STX12: variants seen among roughly 807,000 people sequenced by gnomAD.
The protein encoded by STX12 is syntaxin-12.
Under a neutral mutation model 42.2 loss-of-function variants are expected in STX12, and 17 were observed. The ratio of observed to expected loss-of-function variants is 0.40; its 90% CI spans 0.28 to 0.60. STX12 has a LOEUF of 0.60. STX12 is among the 20% of genes least tolerant of loss of function. The pLI is 0.39. For synonymous variants in STX12, 108 were observed against 116.7 expected, an observed-to-expected ratio of 0.93 and a Z score of 0.48; for missense variants, 297 against 330.9, an observed-to-expected ratio of 0.90 and a Z score of 0.79.
intron 7 of STX12, 58 bp from the exon 8 acceptor site, chr1:27,819,592 A>G (rs887490248): frequency 7.6e-5 from 111 of 1,468,780 alleles, no homozygotes; most frequent in Non-Finnish European, 1.0e-4. Flanking sequence ...AATCTGTTCA[A>G]TTTGCAGTCT....
chr1:27,792,831 A>C (rs536825569), intron 2 of STX12, among the ~76,000 whole-genome samples: 1 of 152,224 alleles, frequency 6.6e-6, no homozygotes, highest in African/African-American at 2.4e-5. Context: ...GAAACCACAA[A>C]TGAAAAGAGT....
intron 1 of STX12, among the ~76,000 whole-genome samples, chr1:27,779,368 C>G (rs1386851971): frequency 6.7e-6 from 1 of 148,444 alleles, no homozygotes; most frequent in Non-Finnish European, 1.5e-5. Flanking sequence ...AAGTCTCACT[C>G]TGTCGCCCAG....
chr1:27,804,801 A>T (rs531648364), intron 4 of STX12, among the ~76,000 whole-genome samples: 1 of 149,556 alleles, frequency 6.7e-6, no homozygotes, highest in South Asian at 2.1e-4. Flanking sequence ...ACAGAGTGAG[A>T]CTCCATCTCA....
intron 4 of STX12, among the ~76,000 whole-genome samples, chr1:27,806,530 G>T (rs965928967): frequency 6.6e-6 from 1 of 152,150 alleles, no homozygotes; most frequent in Non-Finnish European, 1.5e-5. Flanking sequence ...ATAGTAGAAA[G>T]ATATGTATTG....
At chr1:27,794,165 C>T (rs2088768714) in intron 3 of STX12, among the ~76,000 whole-genome samples, 1 of 152,130 alleles carries the variant, frequency 6.6e-6, no homozygotes, top group Admixed American at 6.5e-5. Context: ...GCTGCAACTA[C>T]AGGCATGTGC....
intron 4 of STX12, 174 bp downstream of exon 4, chr1:27,801,989 G>A (rs2088831129): frequency 1.8e-6 from 1 of 563,694 alleles, no homozygotes; most frequent in Non-Finnish European, 2.8e-6. Flanking sequence ...AGCCTAGAAA[G>A]GAATCTGAAT....
chr1:27,798,945 C>A (rs934935458), intron 3 of STX12, among the ~76,000 whole-genome samples: 1 of 149,240 alleles, frequency 6.7e-6, no homozygotes, highest in Non-Finnish European at 1.5e-5. Flanking sequence ...CAGAGCAAGA[C>A]CCTGTCTCAA....
At chr1:27,793,676 G>C in intron 3 of STX12, 44 bp downstream of exon 3, 2 of 1,536,730 alleles carry the variant, frequency 1.3e-6, no homozygotes, top group Non-Finnish European at 1.8e-6. Flanking sequence ...AGGACTTTGT[G>C]TTAGTAGAAA....
chr1:27,784,946 T>C (rs780838461), intron 1 of STX12, among the ~76,000 whole-genome samples: 42 of 151,876 alleles, frequency 2.8e-4, no homozygotes, highest in Non-Finnish European at 4.7e-4. Context: ...CAAATTTAGG[T>C]CATCCCAACA....
At chr1:27,792,611 T>C (rs2088757209) in intron 2 of STX12, among the ~76,000 whole-genome samples, 1 of 151,972 alleles carries the variant, frequency 6.6e-6, no homozygotes, top group Non-Finnish European at 1.5e-5. Flanking sequence ...TGGGCTACTA[T>C]AACAAAATAC....
chr1:27,797,875 A>AAC (rs61106135), intron 3 of STX12, among the ~76,000 whole-genome samples: 9,012 of 143,078 alleles, frequency 0.063, 257 homozygotes, highest in South Asian at 0.081. Context: ...TCTGAAGGTA[A>AAC]ACACACACAC....
intron 3 of STX12, among the ~76,000 whole-genome samples, chr1:27,795,638 CA>C (rs1476144484): frequency 1.3e-5 from 2 of 151,000 alleles, no homozygotes; most frequent in South Asian, 2.1e-4. Context: ...AAATCTCTGT[CA>C]AAAAAAAATT....
chr1:27,773,873 C>T (rs2088612054), intron 1 of STX12: 1 of 163,734 alleles, frequency 6.1e-6, no homozygotes, highest in Non-Finnish European at 1.4e-5. Flanking sequence ...CTGCTCAGCC[C>T]CTGGCTCCTC....
intron 1 of STX12, among the ~76,000 whole-genome samples, chr1:27,774,417 T>A (rs2088614917): frequency 6.6e-6 from 1 of 152,256 alleles, no homozygotes; most frequent in Non-Finnish European, 1.5e-5. Flanking sequence ...TATTATTGTT[T>A]TGTGAGCTTG....
chr1:27,804,013 AC>A (rs916010098), intron 4 of STX12, among the ~76,000 whole-genome samples: 1 of 152,018 alleles, frequency 6.6e-6, no homozygotes, highest in African/African-American at 2.4e-5. Context: ...AAAACAAAAA[AC>A]AAAACAAAAA....
chr1:27,792,992 C>G (rs1005330608), intron 2 of STX12, among the ~76,000 whole-genome samples: 9 of 152,136 alleles, frequency 5.9e-5, no homozygotes, highest in Admixed American at 3.9e-4. Flanking sequence ...GTATAAAGAG[C>G]AGGTAGGAAG....
At chr1:27,781,459 C>T (rs962493653) in intron 1 of STX12, among the ~76,000 whole-genome samples, 7 of 152,150 alleles carry the variant, frequency 4.6e-5, no homozygotes, top group African/African-American at 1.7e-4. Context: ...CTGCTTCTTA[C>T]TAGCTGTGTA....
intron 1 of STX12, among the ~76,000 whole-genome samples, chr1:27,788,167 A>G (rs913223912): frequency 4.6e-5 from 7 of 152,196 alleles, no homozygotes; most frequent in African/African-American, 1.4e-4. Context: ...CTCTATTCAT[A>G]TGTTCTGTAC....
At chr1:27,813,083 G>C (rs774847068) in intron 6 of STX12, among the ~76,000 whole-genome samples, 1 of 152,108 alleles carries the variant, frequency 6.6e-6, no homozygotes, top group Non-Finnish European at 1.5e-5. Flanking sequence ...AATAGGAACA[G>C]TTTTTGAGGT....
Sources: gnomAD v4.1 joint callset for allele counts (sites outside exome capture counted in the v4.1 genomes callset) on GRCh38, gnomAD v4.1.1 for gene constraint, MANE v1.5 for transcripts, NCBI Gene and HGNC (gene_info 2026-07-23, HGNC 2026-07-21) for gene names.